NDUFAF2: variants seen among roughly 807,000 people sequenced by gnomAD.
The protein encoded by NDUFAF2 is NADH:ubiquinone oxidoreductase complex assembly factor 2, also known as NADH dehydrogenase [ubiquinone] 1 alpha subcomplex assembly factor 2.
In NDUFAF2, 13 loss-of-function variants were observed where a neutral mutation model predicts 22.8. The ratio of observed to expected loss-of-function variants is 0.57; its 90% confidence interval spans 0.37 to 0.91. The LOEUF is 0.91. Ranked by LOEUF, NDUFAF2 falls within the 40% of genes least tolerant of loss-of-function variation. The pLI is 0.01. For missense variants in NDUFAF2, 162 were observed against 195.2 expected (o/e 0.83, Z 1.01); for synonymous variants, 53 against 64.2 (o/e 0.83, Z 0.84).
At chr5:61,100,262 A>G (rs1217713509) in intron 3 of NDUFAF2, among the ~76,000 whole-genome samples, 2 of 152,064 alleles carry the variant, frequency 1.3e-5, no homozygotes, top group Non-Finnish European at 2.9e-5. Context: ...TGCTTCATCC[A>G]TCCTCAGAAC....
At chr5:60,951,568 A>T (rs557825708) in intron 1 of NDUFAF2, among the ~76,000 whole-genome samples, 2 of 152,296 alleles carry the variant, frequency 1.3e-5, no homozygotes, top group African/African-American at 2.4e-5. Flanking sequence ...CTTGGTCATG[A>T]TGCATTATCC....
At chr5:61,112,448 G>T (rs934471409) in intron 3 of NDUFAF2, among the ~76,000 whole-genome samples, 1 of 151,414 alleles carries the variant, frequency 6.6e-6, no homozygotes, top group African/African-American at 2.4e-5. Flanking sequence ...TTCTGACCTC[G>T]TGATCCGCCC....
intron 1 of NDUFAF2, among the ~76,000 whole-genome samples, chr5:61,000,243 A>C (rs906654714): frequency 5.3e-5 from 8 of 152,116 alleles, no homozygotes; most frequent in African/African-American, 1.9e-4. Flanking sequence ...TTTTTGATAG[A>C]AAATGAGTAG....
intron 3 of NDUFAF2, among the ~76,000 whole-genome samples, chr5:61,099,304 G>A (rs958173760): frequency 5.3e-5 from 8 of 151,430 alleles, no homozygotes; most frequent in East Asian, 3.9e-4. Context: ...AAAACACTCT[G>A]TAGAAAGTCT....
chr5:61,073,594 A>C (rs954075030), intron 2 of NDUFAF2, among the ~76,000 whole-genome samples: 2 of 152,216 alleles, frequency 1.3e-5, no homozygotes, highest in Non-Finnish European at 2.9e-5. Context: ...AAAGTAACTT[A>C]AACTTTTAGT....
At chr5:61,029,976 G>T (rs1020106674) in intron 1 of NDUFAF2, among the ~76,000 whole-genome samples, 1 of 152,080 alleles carries the variant, frequency 6.6e-6, no homozygotes, top group African/African-American at 2.4e-5. Context: ...CCCAGCAAAA[G>T]CCTGGGTGAC....
At chr5:61,124,890 C>T (rs1753016907) in intron 3 of NDUFAF2, among the ~76,000 whole-genome samples, 1 of 152,030 alleles carries the variant, frequency 6.6e-6, no homozygotes, top group African/African-American at 2.4e-5. Flanking sequence ...TTCCCCATAG[C>T]TGGGGAGGCC....
chr5:61,089,567 T>C (rs113476616), intron 2 of NDUFAF2, among the ~76,000 whole-genome samples: 1 of 152,102 alleles, frequency 6.6e-6, no homozygotes, highest in East Asian at 1.9e-4. Flanking sequence ...TAACAAATAG[T>C]AGTGGCATCA....
intron 1 of NDUFAF2, among the ~76,000 whole-genome samples, chr5:61,064,271 G>T (rs1432107656): frequency 6.6e-6 from 1 of 152,076 alleles, no homozygotes; most frequent in Non-Finnish European, 1.5e-5. Flanking sequence ...CATGAAGGGA[G>T]AAATAGATAG....
chr5:61,004,905 G>A (rs879913622), intron 1 of NDUFAF2, among the ~76,000 whole-genome samples: 1 of 151,214 alleles, frequency 6.6e-6, no homozygotes, highest in Non-Finnish European at 1.5e-5. Context: ...CTTCAACAGG[G>A]CTTGTAAATT....
chr5:61,141,398 A>G (rs1353973759), intron 3 of NDUFAF2, among the ~76,000 whole-genome samples: 3 of 152,216 alleles, frequency 2.0e-5, no homozygotes, highest in African/African-American at 7.2e-5. Flanking sequence ...AGCACAGGGT[A>G]AAAGTTGTGT....
At chr5:61,059,985 TAA>T (rs1752144075) in intron 1 of NDUFAF2, among the ~76,000 whole-genome samples, 1 of 152,188 alleles carries the variant, frequency 6.6e-6, no homozygotes, top group Non-Finnish European at 1.5e-5. Context: ...TTATAAATGC[TAA>T]TTTTAAAATC....
intron 1 of NDUFAF2, among the ~76,000 whole-genome samples, chr5:60,956,099 C>T (rs1452377954): frequency 6.6e-6 from 1 of 151,966 alleles, no homozygotes; most frequent in African/African-American, 2.4e-5. Context: ...TGAGATTTCA[C>T]CATGTTGCCC....
intron 1 of NDUFAF2, among the ~76,000 whole-genome samples, chr5:61,039,300 T>A (rs1468868843): frequency 6.6e-6 from 1 of 152,132 alleles, no homozygotes; most frequent in African/African-American, 2.4e-5. Context: ...ACAAGCATAT[T>A]ATAGAATTCA....
intron 1 of NDUFAF2, among the ~76,000 whole-genome samples, chr5:60,979,285 G>T (rs184209116): frequency 6.6e-6 from 1 of 152,236 alleles, no homozygotes; most frequent in East Asian, 1.9e-4. Context: ...GGAGAGAGGA[G>T]ACTAAGGGGA....
In NDUFAF2 at chr5:61,132,692, A is replaced by G. The variant is rs888861800; in HGVS notation, c.259-20012A>G. Among the ~76,000 whole-genome samples the G allele has an allele frequency of 2.6e-5, 4 of 151,872 alleles. No individual in the cohort carries two copies. In the South Asian group the frequency reaches 6.2e-4, roughly 24 times the overall value. ...CCTTCCTTCCCATAATGTTATTTCAACTGGTTTCATCAGCTGCTGCTCTGC... is the reference window on the plus strand; with the variant it reads ...CCTTCCTTCCCATAATGTTATTTCAGCTGGTTTCATCAGCTGCTGCTCTGC... On this transcript the variant is annotated intron_variant, in intron 3 of 3. Transcript: ENST00000296597.
chr5:60,958,700 C>G (rs1750648893), intron 1 of NDUFAF2, among the ~76,000 whole-genome samples: 1 of 152,020 alleles, frequency 6.6e-6, no homozygotes, highest in South Asian at 2.1e-4. Flanking sequence ...AAAAACAAAA[C>G]AAAATATAAG....
At chr5:61,142,000 TTCTC>T (rs375908294) in intron 3 of NDUFAF2, among the ~76,000 whole-genome samples, 3 of 152,140 alleles carry the variant, frequency 2.0e-5, no homozygotes, top group Non-Finnish European at 2.9e-5. Flanking sequence ...TGCCATTTCT[TTCTC>T]TCTCTCTGAG....
At chr5:60,976,819 T>C (rs918875573) in intron 1 of NDUFAF2, among the ~76,000 whole-genome samples, 1 of 152,220 alleles carries the variant, frequency 6.6e-6, no homozygotes, top group Non-Finnish European at 1.5e-5. Context: ...TACGTTATTC[T>C]ATGCCTATGT....
Sources: allele counts gnomAD v4.1 joint callset (sites outside exome capture counted in the v4.1 genomes callset), GRCh38; gene constraint gnomAD v4.1.1; transcripts MANE v1.5; gene names NCBI Gene and HGNC (gene_info 2026-07-23, HGNC 2026-07-21).